GRIN2A: variants seen among roughly 807,000 people sequenced by gnomAD.
The protein encoded by GRIN2A is glutamate ionotropic receptor NMDA type subunit 2A.
Under a neutral mutation model 113.4 loss-of-function variants are expected in GRIN2A, and 22 were observed. The observed-to-expected ratio is 0.19, with a 90% CI of 0.14 to 0.28. GRIN2A has a LOEUF of 0.28. GRIN2A is among the 10% of genes least tolerant of loss of function. The probability of loss-of-function intolerance (pLI) is 1.00; values close to 1 mark genes in which losing one functional copy is unlikely to be tolerated. For synonymous variants in GRIN2A, 827 were observed against 738.4 expected (o/e 1.12, Z -1.94); for missense variants, 1,502 against 1,887.0 (o/e 0.80, Z 3.78).
At chr16:9,978,342 C>A (rs1322585947) in intron 2 of GRIN2A, among the ~76,000 whole-genome samples, 3 of 152,164 alleles carry the variant, frequency 2.0e-5, no homozygotes, top group Non-Finnish European at 4.4e-5. Context: ...AGTCTTTTCA[C>A]CTTGCTTACC....
intron 2 of GRIN2A, among the ~76,000 whole-genome samples, chr16:9,999,093 G>A (rs1283083545): frequency 6.6e-6 from 1 of 152,122 alleles, no homozygotes; most frequent in Non-Finnish European, 1.5e-5. Flanking sequence ...CCTCCAAACA[G>A]CACAGAAACT....
In GRIN2A at chr16:9,784,163, C is replaced by T. The variant is rs542539080; in HGVS notation, c.2356+14114G>A. On this transcript the variant is annotated intron_variant, in intron 11 of 12. Transcript: ENST00000330684. ...AGAATTATATGGCTGGGTGTGGTGG[C>T]TCACAGCTCTAATCCCAGCACTTTG... is the stretch of plus-strand genomic sequence containing the variant. 5.3e-5 allele frequency among the ~76,000 whole-genome samples: 8 copies of T among 152,250 alleles called. No homozygotes were observed. The South Asian group carries it at 1.0e-3, about 20-fold the overall frequency.
At chr16:10,020,703 G>T (rs1417955853) in intron 2 of GRIN2A, among the ~76,000 whole-genome samples, 1 of 152,182 alleles carries the variant, frequency 6.6e-6, no homozygotes, top group African/African-American at 2.4e-5. Flanking sequence ...CTATGATGTT[G>T]TAAGGACAAG....
At chr16:10,091,248 T>G (rs567427127) in intron 2 of GRIN2A, among the ~76,000 whole-genome samples, 3 of 152,318 alleles carry the variant, frequency 2.0e-5, no homozygotes, top group East Asian at 3.9e-4. Context: ...CATATAGATA[T>G]TCACAGGAGT....
intron 3 of GRIN2A, among the ~76,000 whole-genome samples, chr16:9,907,005 G>T (rs530775600): frequency 6.6e-6 from 1 of 152,218 alleles, no homozygotes; most frequent in South Asian, 2.1e-4. Flanking sequence ...TGTAGACAGG[G>T]TTTCACCACA....
rs543352388 is a variant in GRIN2A at position 10,125,455 on chromosome 16, G to A, written c.414+54543C>T. On this transcript the variant is annotated intron_variant, in intron 2 of 12. Coordinates refer to ENST00000330684, the MANE Select transcript of GRIN2A (RefSeq NM_001134407.3). ...TGAGTAGACCATTCCTCCACTACAA[G>A]CTCAGCACTCCCAAGGAATAAGTAA... is the stretch of plus-strand genomic sequence containing the variant. Among the ~76,000 whole-genome samples the A allele has an allele frequency of 1.2e-4, 18 of 152,184 alleles. 1 individual carries two copies. In the South Asian group the frequency reaches 3.3e-3, roughly 28 times the overall value.
intron 11 of GRIN2A, among the ~76,000 whole-genome samples, chr16:9,786,001 G>A (rs763972615): frequency 6.6e-6 from 1 of 152,182 alleles, no homozygotes; most frequent in East Asian, 1.9e-4. Context: ...CATGGGAAGG[G>A]GGTTGTCAAT....
chr16:9,844,527 C>T (rs991100016), intron 5 of GRIN2A, among the ~76,000 whole-genome samples: 2 of 152,150 alleles, frequency 1.3e-5, no homozygotes. Context: ...CCCATGTGAT[C>T]TCTCTTAGTG....
At chr16:9,963,983 G>A (rs546234843) in intron 2 of GRIN2A, among the ~76,000 whole-genome samples, 36 of 152,280 alleles carry the variant, frequency 2.4e-4, no homozygotes, top group East Asian at 1.7e-3. Context: ...AAGTCACACC[G>A]CACCATGCAG....
chr16:10,093,902 C>G (rs1482173330), intron 2 of GRIN2A, among the ~76,000 whole-genome samples: 1 of 152,180 alleles, frequency 6.6e-6, no homozygotes, highest in African/African-American at 2.4e-5. Context: ...AAGACATCAC[C>G]AGAGAGCCCA....
At chr16:9,790,153 A>G (rs1254743865) in intron 11 of GRIN2A, among the ~76,000 whole-genome samples, 3 of 152,148 alleles carry the variant, frequency 2.0e-5, no homozygotes, top group Non-Finnish European at 4.4e-5. Flanking sequence ...TATGATTTGG[A>G]TGGGGCTGCT....
chr16:9,868,993 T>C (rs2043209900), intron 4 of GRIN2A, among the ~76,000 whole-genome samples: 1 of 152,098 alleles, frequency 6.6e-6, no homozygotes, highest in African/African-American at 2.4e-5. Context: ...GCCTCTCCTT[T>C]CCCTACCTCA....
At chr16:10,040,313 A>G (rs1198949662) in intron 2 of GRIN2A, among the ~76,000 whole-genome samples, 1 of 150,380 alleles carries the variant, frequency 6.6e-6, no homozygotes, top group Non-Finnish European at 1.5e-5. Context: ...AATACACAAC[A>G]CACATCCACA....
chr16:10,019,711 G>C (rs1243107000), intron 2 of GRIN2A, among the ~76,000 whole-genome samples: 1 of 152,186 alleles, frequency 6.6e-6, no homozygotes, highest in African/African-American at 2.4e-5. Context: ...AGCTCAGCGA[G>C]GGTTCAGGAC....
At chr16:9,946,413 A>C (rs112509150) in intron 2 of GRIN2A, among the ~76,000 whole-genome samples, 2,670 of 152,286 alleles carry the variant, frequency 0.018, 35 homozygotes, top group Non-Finnish European at 0.024. Context: ...AAGCACAAGG[A>C]AACAGCTTTA....
intron 3 of GRIN2A, among the ~76,000 whole-genome samples, chr16:9,916,225 TA>T (rs577651635): frequency 1.1e-3 from 174 of 152,338 alleles, no homozygotes; most frequent in African/African-American, 3.9e-3. Flanking sequence ...ATTATTGTAA[TA>T]ATTATTAATT....
rs79991770 is a variant in GRIN2A, at chr16:10,107,855, C to A, written c.414+72143G>T. Among the ~76,000 whole-genome samples, 6 of 152,344 alleles carry A rather than the reference C, an allele frequency of 3.9e-5. No homozygotes were observed. In the East Asian group the frequency reaches 9.6e-4, roughly 24 times the overall value. Reference sequence around the variant, plus strand: ...ATTTTTCAGTGCCTGTCTGACCACACTGATCAAGGCAGTGGGGGTACAGAG... The same window carrying A: ...ATTTTTCAGTGCCTGTCTGACCACAATGATCAAGGCAGTGGGGGTACAGAG... On this transcript the variant is annotated intron_variant, in intron 2 of 12. Transcript: ENST00000330684.
chr16:10,086,561 G>C (rs995719713), intron 2 of GRIN2A, among the ~76,000 whole-genome samples: 1 of 146,748 alleles, frequency 6.8e-6, no homozygotes, highest in African/African-American at 2.5e-5. Flanking sequence ...AATTACAGAG[G>C]AGCCCCAGGA....
intron 2 of GRIN2A, among the ~76,000 whole-genome samples, chr16:10,165,239 C>A (rs967000690): frequency 6.6e-6 from 1 of 151,790 alleles, no homozygotes; most frequent in Non-Finnish European, 1.5e-5. Flanking sequence ...CTGAAAGCCT[C>A]ATGATAAAAT....
Sources: gnomAD v4.1 joint callset for allele counts (sites outside exome capture counted in the v4.1 genomes callset) on GRCh38, gnomAD v4.1.1 for gene constraint, MANE v1.5 for transcripts, NCBI Gene and HGNC (gene_info 2026-07-23, HGNC 2026-07-21) for gene names.